The following HPS4 variants were observed in gnomAD, a reference collection of about 807,000 sequenced individuals.
HPS4 encodes BLOC-3 complex member HPS4.
Under a neutral mutation model 70.3 loss-of-function variants are expected in HPS4, and 44 were observed. That is an observed-to-expected ratio of 0.63 (90% CI 0.49 to 0.80). The LOEUF is 0.80. Among genes scored for constraint, HPS4 ranks in the 30% least tolerant of loss-of-function variants. The probability of loss-of-function intolerance (pLI) is 0.00; values close to 1 mark genes in which losing one functional copy is unlikely to be tolerated. For missense variants in HPS4, 873 were observed against 884.4 expected (o/e 0.99, Z 0.16); for synonymous variants, 377 against 355.9 (o/e 1.06, Z -0.67).
chr22:26,457,505 C>T (rs2086364608), intron 13 of HPS4, among the ~76,000 whole-genome samples: 1 of 152,122 alleles, frequency 6.6e-6, no homozygotes, highest in Admixed American at 6.5e-5. Context: ...GCCACTGTGC[C>T]CAGCCATATT....
At chr22:26,475,986 T>TA (rs1323321748) in intron 4 of HPS4, 1 of 152,072 alleles carries the variant, frequency 6.6e-6, no homozygotes, top group African/African-American at 2.4e-5. Context: ...GAGGTTGCAG[T>TA]AAACCAAGGT....
chr22:26,443,117 C>T (rs145158799), downstream of HPS4: 73 of 1,613,968 alleles, frequency 4.5e-5, no homozygotes, highest in African/African-American at 2.3e-4. Context: ...GGATGGCCCA[C>T]GGGTGGTTTT....
downstream of HPS4, among the ~76,000 whole-genome samples, chr22:26,448,692 A>T (rs8137053): frequency 0.41 from 61,587 of 152,044 alleles, 12,802 homozygotes; most frequent in South Asian, 0.52. Context: ...TCTGGGTTTT[A>T]TTCTCAGGGG....
chr22:26,480,112 A>T (rs2091116535), intron 2 of HPS4, among the ~76,000 whole-genome samples: 1 of 152,190 alleles, frequency 6.6e-6, no homozygotes, highest in African/African-American at 2.4e-5. Context: ...TATATTACGT[A>T]ATGTTATTAT....
intron 6 of HPS4, among the ~76,000 whole-genome samples, chr22:26,471,852 C>T (rs974291229): frequency 2.6e-5 from 4 of 152,160 alleles, no homozygotes; most frequent in African/African-American, 4.8e-5. Context: ...CAACCGCAAA[C>T]GGAGCGGCTC....
downstream of HPS4, among the ~76,000 whole-genome samples, chr22:26,447,228 A>G (rs1292318442): frequency 6.6e-6 from 1 of 152,120 alleles, no homozygotes; most frequent in East Asian, 1.9e-4. Flanking sequence ...CGACTGTGAA[A>G]GAGAGGCCAC....
intron 11 of HPS4, among the ~76,000 whole-genome samples, chr22:26,462,391 G>A (rs2087484933): frequency 6.6e-6 from 1 of 152,198 alleles, no homozygotes; most frequent in South Asian, 2.1e-4. Context: ...AGAGGCTGGG[G>A]TGGGGAACCA....
At chr22:26,483,813 T>TC, upstream of HPS4, 1 of 1,148,678 alleles carries the variant, frequency 8.7e-7, no homozygotes, top group Non-Finnish European at 1.1e-6. Context: ...CCCGCCTACC[T>TC]CCCCCTCCAG....
downstream of HPS4, among the ~76,000 whole-genome samples, chr22:26,446,562 C>T (rs1328280061): frequency 1.3e-5 from 2 of 152,090 alleles, no homozygotes; most frequent in Non-Finnish European, 1.5e-5. Flanking sequence ...AACTCATTTC[C>T]GGTCATGATT....
At chr22:26,462,719 C>A (rs1049283373) in intron 11 of HPS4, among the ~76,000 whole-genome samples, 3 of 152,156 alleles carry the variant, frequency 2.0e-5, no homozygotes, top group Admixed American at 2.0e-4. Flanking sequence ...ACCATGAAAA[C>A]CAAGGCATTG....
chr22:26,453,335 A>C lies in HPS4; in HGVS notation c.2025T>G (p.Pro675=), dbSNP rs756494145. 1.2e-6 allele frequency: 2 copies of C among 1,614,194 alleles called. No individual in the cohort carries two copies. Among genetic ancestry groups the C allele is most frequent in the Non-Finnish European group, 1.7e-6 (2 of 1,180,040 alleles). ...IQETYFQQLA[P]AARSSGFPNP... is the part of the protein sequence containing the mutation. ...TTGGGAAGCCGGAGCTCCGTGCTGCAGGTGCCAGCTGCTGGAAATATGTCT... is the reference window on the plus strand; with the variant it reads ...TTGGGAAGCCGGAGCTCCGTGCTGCCGGTGCCAGCTGCTGGAAATATGTCT... Residue 675 remains proline (P), a synonymous_variant, in exon 14 of 14, where the codon CCT becomes CCG. Transcript: ENST00000398145.
intron 11 of HPS4, among the ~76,000 whole-genome samples, chr22:26,460,550 CA>C (rs1453918137): frequency 6.6e-6 from 1 of 152,216 alleles, no homozygotes; most frequent in Non-Finnish European, 1.5e-5. Context: ...TGAGCCATGC[CA>C]AAAACTGTTT....
chr22:26,476,835 C>A, intron 4 of HPS4, 158 bp downstream of exon 4: 1 of 747,168 alleles, frequency 1.3e-6, no homozygotes, highest in South Asian at 1.6e-5. Context: ...TGATGAAAAC[C>A]TGCAGAGAGT....
At position 26,483,670 on chromosome 22, in the gene HPS4, C is replaced by T; in HGVS notation, c.-479+4G>A. On this transcript the variant is annotated splice_donor_region_variant and intron_variant, in intron 1 of 13. Coordinates refer to ENST00000398145, the MANE Select transcript of HPS4 (RefSeq NM_022081.6). ...TCCCCGCGCTCCGAGCGCCGCCCAC[C>T]CACCGGAGTAGCCAGGCATCCCAGT... 2.6e-6 allele frequency: 1 copy of T among 380,806 alleles called. No homozygotes were observed. Among genetic ancestry groups the T allele is most frequent in the Non-Finnish European group, 4.6e-6 (1 of 216,708 alleles). The allele number at this position is 380,806 out of a possible 1,614,324, so 23.6% of individuals were successfully genotyped here.
chr22:26,456,462 T>C (rs979357510), intron 13 of HPS4, among the ~76,000 whole-genome samples: 2 of 152,150 alleles, frequency 1.3e-5, no homozygotes, highest in South Asian at 2.1e-4. Context: ...ACATTGAGAC[T>C]ATCCTGGCCA....
intron 9 of HPS4, 193 bp from the exon 10 acceptor site, chr22:26,465,744 T>G: frequency 1.6e-6 from 1 of 608,712 alleles, no homozygotes; most frequent in Non-Finnish European, 2.9e-6. Flanking sequence ...AAAGAGTCCC[T>G]GCAGGCAACA....
rs200099628 is a variant in HPS4, at chr22:26,452,439, A to C, written c.*794T>G. On this transcript the variant is annotated 3_prime_UTR_variant, in exon 14 of 14. Coordinates refer to ENST00000398145, the MANE Select transcript of HPS4 (RefSeq NM_022081.6). ...GTGCTTTTACCCCCAGACATCTTGT[A>C]AACTCCTATTTAGGGACACTCGCTC... The C allele has an allele frequency of 5.8e-5, 26 of 449,590 alleles. No homozygotes were observed. Among genetic ancestry groups the C allele is most frequent in the South Asian group, 4.1e-4 (26 of 63,232 alleles). 27.9% of individuals were successfully genotyped at this position (449,590 alleles called of 1,614,324 possible).
chr22:26,479,566 C>T, intron 2 of HPS4: 1 of 1,401,964 alleles, frequency 7.1e-7, no homozygotes, highest in Non-Finnish European at 9.2e-7. Context: ...ATGCCTCTAT[C>T]CAGCCGTTAG....
At chr22:26,468,484 A>G (rs1213778651) in intron 8 of HPS4, 67 bp downstream of exon 8, 4 of 1,386,494 alleles carry the variant, frequency 2.9e-6, no homozygotes, top group Non-Finnish European at 4.1e-6. Context: ...TGATCCCTCC[A>G]GCCTCAGGCT....
Sources: allele counts gnomAD v4.1 joint callset (sites outside exome capture counted in the v4.1 genomes callset), GRCh38; gene constraint gnomAD v4.1.1; transcripts MANE v1.5; gene names NCBI Gene and HGNC (gene_info 2026-07-23, HGNC 2026-07-21).